The following CTIF variants were observed in gnomAD, a reference collection of about 807,000 sequenced individuals.
CTIF encodes cap binding complex dependent translation initiation factor.
CTIF carries 21 observed loss-of-function variants against 66.0 expected under a neutral mutation model. The ratio of observed to expected loss-of-function variants is 0.32; its 90% CI spans 0.23 to 0.46. The LOEUF (loss-of-function observed/expected upper bound fraction) is 0.46, where lower values mean the gene tolerates loss of function less well. CTIF is among the 20% of genes least tolerant of loss of function. The probability of loss-of-function intolerance (pLI) is 1.00; values close to 1 mark genes in which losing one functional copy is unlikely to be tolerated. For synonymous variants in CTIF, 345 were observed against 326.4 expected (o/e 1.06, Z -0.62); for missense variants, 739 against 812.7 (o/e 0.91, Z 1.10).
At chr18:48,657,407 T>A (rs902059538) in intron 3 of CTIF, among the ~76,000 whole-genome samples, 5 of 152,186 alleles carry the variant, frequency 3.3e-5, no homozygotes, top group Admixed American at 2.6e-4. Context: ...TTTTGAGGAA[T>A]GAGGACCATT....
intron 10 of CTIF, among the ~76,000 whole-genome samples, chr18:48,828,821 G>A (rs1445717571): frequency 2.0e-5 from 3 of 152,212 alleles, no homozygotes; most frequent in South Asian, 2.1e-4. Flanking sequence ...GGCAGTGAGG[G>A]CAGTAGGGGG....
intron 10 of CTIF, among the ~76,000 whole-genome samples, chr18:48,842,256 T>C (rs2068962439): frequency 6.6e-6 from 1 of 152,012 alleles, no homozygotes; most frequent in South Asian, 2.1e-4. Context: ...TCAGGCCTCA[T>C]GGGACTGAGT....
At chr18:48,806,013 C>T (rs1339322314) in intron 9 of CTIF, among the ~76,000 whole-genome samples, 1 of 152,116 alleles carries the variant, frequency 6.6e-6, no homozygotes, top group East Asian at 1.9e-4. Context: ...GTCAGGTCAT[C>T]AACAGACATC....
chr18:48,596,719 G>A (rs985727962), intron 1 of CTIF, among the ~76,000 whole-genome samples: 7 of 151,994 alleles, frequency 4.6e-5, no homozygotes, highest in African/African-American at 7.3e-5. Flanking sequence ...CTTGTGATCC[G>A]CCCACCTCGG....
rs929174344 is a variant in CTIF at position 48,623,723 on chromosome 18, A to G, written c.180+3978A>G. 2.6e-5 allele frequency among the ~76,000 whole-genome samples: 4 copies of G among 152,178 alleles called. No individual in the cohort carries two copies. In the South Asian group the frequency reaches 8.3e-4, roughly 32 times the overall value. On this transcript the variant is annotated intron_variant, in intron 2 of 11. Coordinates refer to ENST00000256413, the MANE Select transcript of CTIF (RefSeq NM_014772.3). ...GGAGTGGAGAGGAATGTTGCTCTTCAGCTGGTGAGGTCATTTTTTAGGATC... is the reference window on the plus strand; with the variant it reads ...GGAGTGGAGAGGAATGTTGCTCTTCGGCTGGTGAGGTCATTTTTTAGGATC...
chr18:48,758,473 A>T, intron 8 of CTIF, 68 bp downstream of exon 8: 7 of 1,522,586 alleles, frequency 4.6e-6, no homozygotes, highest in Non-Finnish European at 6.2e-6. Flanking sequence ...GCACTTTGGT[A>T]GGTGGGCACA....
At chr18:48,755,117 G>T (rs936439263) in intron 7 of CTIF, among the ~76,000 whole-genome samples, 5 of 152,204 alleles carry the variant, frequency 3.3e-5, no homozygotes, top group African/African-American at 1.2e-4. Flanking sequence ...GGCCATAGCT[G>T]CAGGCGCCAC....
intron 7 of CTIF, among the ~76,000 whole-genome samples, chr18:48,729,087 G>A (rs975727558): frequency 1.3e-5 from 2 of 152,082 alleles, no homozygotes; most frequent in South Asian, 2.1e-4. Context: ...TCCCCTCTGC[G>A]CTTCCATCCT....
At chr18:48,803,774 AG>A (rs971731328) in intron 9 of CTIF, among the ~76,000 whole-genome samples, 2 of 152,034 alleles carry the variant, frequency 1.3e-5, no homozygotes, top group African/African-American at 4.8e-5. Flanking sequence ...ACATTTGGGG[AG>A]GGGGGGCTCT....
At chr18:48,594,798 G>A (rs1349203330) in intron 1 of CTIF, among the ~76,000 whole-genome samples, 7 of 152,216 alleles carry the variant, frequency 4.6e-5, no homozygotes, top group Non-Finnish European at 8.8e-5. Flanking sequence ...TCCAAGGAAC[G>A]AGAACTGCCC....
At chr18:48,543,357 GC>G (rs1469792109) in intron 1 of CTIF, among the ~76,000 whole-genome samples, 1 of 152,188 alleles carries the variant, frequency 6.6e-6, no homozygotes, top group Non-Finnish European at 1.5e-5. Context: ...GATGTCCTTG[GC>G]TTGGCAGGGG....
intron 2 of CTIF, among the ~76,000 whole-genome samples, chr18:48,632,565 G>A (rs943867384): frequency 1.2e-4 from 18 of 152,124 alleles, no homozygotes; most frequent in Non-Finnish European, 4.4e-5. Flanking sequence ...TCCCCCCTGG[G>A]CCAGTTCAGC....
intron 7 of CTIF, among the ~76,000 whole-genome samples, chr18:48,716,098 TCCTGAATGTGTATCACAGC>T (rs529810274): frequency 0.024 from 3,661 of 152,326 alleles, 47 homozygotes; most frequent in Middle Eastern, 0.068. Flanking sequence ...AGTGCCCCGC[TCCTGAATGTGTATCACAGC>T]AGACACTGCA....
At chr18:48,801,604 G>C (rs1381366723) in intron 9 of CTIF, among the ~76,000 whole-genome samples, 1 of 152,226 alleles carries the variant, frequency 6.6e-6, no homozygotes, top group African/African-American at 2.4e-5. Flanking sequence ...AAATCTTTTT[G>C]TGAGCATTTC....
intron 7 of CTIF, among the ~76,000 whole-genome samples, chr18:48,745,287 A>G (rs1341230542): frequency 6.6e-6 from 1 of 152,334 alleles, no homozygotes. Context: ...CCAGTGCACC[A>G]TGTCAGGAGG....
chr18:48,716,108 G>A (rs1006670465), intron 7 of CTIF, among the ~76,000 whole-genome samples: 3 of 144,990 alleles, frequency 2.1e-5, no homozygotes, highest in Admixed American at 1.4e-4. Context: ...TCCTGAATGT[G>A]TATCACAGCA....
At chr18:48,850,765 C>T (rs2069182017) in intron 10 of CTIF, among the ~76,000 whole-genome samples, 1 of 152,182 alleles carries the variant, frequency 6.6e-6, no homozygotes, top group South Asian at 2.1e-4. Context: ...CAGGTGGGGC[C>T]TTCAGCTGTG....
rs147336590 is a variant in CTIF at position 48,829,342 on chromosome 18, T to C, written c.1527+11966T>C. ...CACTAGGGGAGCCAGGCTGGGGGACTTTCTGAGTGCAGGTCTGGTTGGGAG... is the reference window on the plus strand; with the variant it reads ...CACTAGGGGAGCCAGGCTGGGGGACCTTCTGAGTGCAGGTCTGGTTGGGAG... On this transcript the variant is annotated intron_variant, in intron 10 of 11. Coordinates refer to ENST00000256413, the MANE Select transcript of CTIF (RefSeq NM_014772.3). Among the ~76,000 whole-genome samples, 41 of 152,188 alleles carry C rather than the reference T, an allele frequency of 2.7e-4. No homozygotes were observed. The East Asian group carries it at 6.9e-3, about 26-fold the overall frequency.
chr18:48,646,296 C>T (rs1187230760), intron 3 of CTIF, among the ~76,000 whole-genome samples: 1 of 152,176 alleles, frequency 6.6e-6, no homozygotes, highest in Non-Finnish European at 1.5e-5. Context: ...AGGTGATGTA[C>T]AGATGGCAGA....
Sources: gnomAD v4.1 joint callset for allele counts (sites outside exome capture counted in the v4.1 genomes callset) on GRCh38, gnomAD v4.1.1 for gene constraint, MANE v1.5 for transcripts, NCBI Gene and HGNC (gene_info 2026-07-23, HGNC 2026-07-21) for gene names.